The following ZNF804B variants were observed in gnomAD, a reference collection of about 807,000 sequenced individuals.
ZNF804B encodes the protein zinc finger 804B.
A neutral mutation model predicts 101.4 loss-of-function variants in ZNF804B; 80 were observed. The ratio of observed to expected loss-of-function variants is 0.79; its 90% CI spans 0.66 to 0.95. The LOEUF (loss-of-function observed/expected upper bound fraction) is 0.95. Ranked by LOEUF, ZNF804B falls within the 40% of genes least tolerant of loss-of-function variation. The pLI, the probability that ZNF804B is intolerant of heterozygous loss-of-function variation, is 0.00. For missense variants in ZNF804B, 1,673 were observed against 1,561.9 expected, an observed-to-expected ratio of 1.07 and a Z score of -1.20; for synonymous variants, 622 against 558.8, an observed-to-expected ratio of 1.11 and a Z score of -1.59.
intron 1 of ZNF804B, among the ~76,000 whole-genome samples, chr7:88,949,168 A>T (rs1793181642): frequency 6.6e-6 from 1 of 151,808 alleles, no homozygotes; most frequent in South Asian, 2.1e-4. Flanking sequence ...CGTGTAAGTC[A>T]TCCAATCTTG....
intron 1 of ZNF804B, among the ~76,000 whole-genome samples, chr7:89,077,814 A>T (rs1393318063): frequency 1.3e-5 from 2 of 152,162 alleles, no homozygotes; most frequent in Non-Finnish European, 2.9e-5. Context: ...AATTAAAACT[A>T]CTTAACTGTA....
intron 1 of ZNF804B, among the ~76,000 whole-genome samples, chr7:88,879,994 G>T (rs1346622380): frequency 2.0e-5 from 3 of 151,818 alleles, no homozygotes. Context: ...AGCCAAGATC[G>T]TGCCACTGCA....
chr7:89,159,065 G>A (rs1791019099), intron 1 of ZNF804B, among the ~76,000 whole-genome samples: 1 of 152,062 alleles, frequency 6.6e-6, no homozygotes, highest in Admixed American at 6.6e-5. Flanking sequence ...TGAAGATGAG[G>A]TCCTACAGGC....
At chr7:89,285,660 A>C (rs1376383431) in intron 2 of ZNF804B, among the ~76,000 whole-genome samples, 1 of 152,032 alleles carries the variant, frequency 6.6e-6, no homozygotes, top group Non-Finnish European at 1.5e-5. Flanking sequence ...TTAGAAAAAA[A>C]AAGCCACAAA....
At chr7:89,304,152 C>T (rs1355896075) in intron 2 of ZNF804B, among the ~76,000 whole-genome samples, 1 of 151,882 alleles carries the variant, frequency 6.6e-6, no homozygotes, top group East Asian at 1.9e-4. Flanking sequence ...TCCTGGGAGT[C>T]ATCCCTTTGA....
At chr7:88,801,382 G>GATA (rs1790580069) in intron 1 of ZNF804B, among the ~76,000 whole-genome samples, 2 of 152,022 alleles carry the variant, frequency 1.3e-5, no homozygotes, top group African/African-American at 4.8e-5. Context: ...TTACTCCGTG[G>GATA]ATAATAGAGA....
Position 88,934,956 on chromosome 7 carries a change from G to A in ZNF804B, c.108+174872G>A, listed in dbSNP as rs538332774. Among the ~76,000 whole-genome samples the A allele has an allele frequency of 1.1e-4, 16 of 151,928 alleles. No individual in the cohort carries two copies. The South Asian group carries it at 3.1e-3, about 30-fold the overall frequency. On this transcript the variant is annotated intron_variant, in intron 1 of 3. Transcript: ENST00000333190. ...GTTTATAGCAGCACAATTCATAATT[G>A]CAAAGACATGGAACCAAGCTAAGTA...
At chr7:89,255,974 C>T (rs1291351954) in intron 2 of ZNF804B, among the ~76,000 whole-genome samples, 2 of 151,854 alleles carry the variant, frequency 1.3e-5, no homozygotes, top group Non-Finnish European at 2.9e-5. Flanking sequence ...CAAATTAAAA[C>T]CAAAACCCAA....
At chr7:89,260,576 C>T (rs1789698544) in intron 2 of ZNF804B, among the ~76,000 whole-genome samples, 1 of 152,128 alleles carries the variant, frequency 6.6e-6, no homozygotes, top group African/African-American at 2.4e-5. Flanking sequence ...TAAGTTTTCA[C>T]ATAATGACTT....
intron 1 of ZNF804B, among the ~76,000 whole-genome samples, chr7:88,872,738 C>A (rs570033559): frequency 1.2e-4 from 18 of 149,494 alleles, no homozygotes; most frequent in African/African-American, 4.2e-4. Flanking sequence ...TTTGTTCTTG[C>A]GATAGTTTAC....
At chr7:88,891,794 G>T (rs1409262272) in intron 1 of ZNF804B, among the ~76,000 whole-genome samples, 1 of 151,608 alleles carries the variant, frequency 6.6e-6, no homozygotes, top group Non-Finnish European at 1.5e-5. Context: ...CAACGTGCAG[G>T]TTTGTTACAT....
At position 89,334,283 on chromosome 7, in the gene ZNF804B, A is replaced by G. The variant is rs900944583; in HGVS notation, c.1301A>G (p.His434Arg). The change falls in exon 4 of 4, where the codon CAT becomes CGT. Residue 434 changes from histidine to arginine, a missense_variant. Physicochemically the swap from His to Arg is conservative, Grantham distance 29. Coordinates refer to ENST00000333190, the MANE Select transcript of ZNF804B (RefSeq NM_181646.5). ...VQRLVKEACT[H>R]NVASKPLPFL... ...AGACTTGTAAAAGAAGCATGTACCC[A>G]TAATGTGGCATCTAAACCACTACCT... 10 of 1,613,726 alleles carry G rather than the reference A, an allele frequency of 6.2e-6. No individual in the cohort carries two copies. The highest frequency in any genetic ancestry group is 2.2e-5 in the South Asian group (2 of 91,086).
intron 1 of ZNF804B, among the ~76,000 whole-genome samples, chr7:89,040,236 C>A (rs1024383798): frequency 6.6e-6 from 1 of 151,778 alleles, no homozygotes; most frequent in Non-Finnish European, 1.5e-5. Flanking sequence ...ATCCCATTGA[C>A]TTTCTTTACT....
intron 1 of ZNF804B, among the ~76,000 whole-genome samples, chr7:89,064,307 T>C (rs1392047617): frequency 6.6e-6 from 1 of 152,118 alleles, no homozygotes; most frequent in African/African-American, 2.4e-5. Context: ...TAAGGGCAAA[T>C]AGCTGACTAT....
At chr7:89,107,142 ATAAG>A (rs1790147583) in intron 1 of ZNF804B, among the ~76,000 whole-genome samples, 1 of 152,180 alleles carries the variant, frequency 6.6e-6, no homozygotes, top group African/African-American at 2.4e-5. Context: ...ATATTAGTTA[ATAAG>A]TAAACCACTT....
intron 2 of ZNF804B, among the ~76,000 whole-genome samples, chr7:89,241,893 C>A (rs1406985785): frequency 7.5e-6 from 1 of 133,626 alleles, no homozygotes; most frequent in African/African-American, 2.7e-5. Context: ...CTACCTTTTT[C>A]TTTTTTTTTT....
chr7:88,900,203 A>C (rs1333770478), intron 1 of ZNF804B, among the ~76,000 whole-genome samples: 1 of 152,078 alleles, frequency 6.6e-6, no homozygotes, highest in Non-Finnish European at 1.5e-5. Context: ...CAGCAATAAG[A>C]TTGTGAATGA....
At chr7:89,181,344 C>T (rs1029935361) in intron 1 of ZNF804B, among the ~76,000 whole-genome samples, 12 of 152,126 alleles carry the variant, frequency 7.9e-5, no homozygotes, top group South Asian at 6.2e-4. Flanking sequence ...CCCATGTTGA[C>T]GGGGCTAGCC....
intron 2 of ZNF804B, among the ~76,000 whole-genome samples, chr7:89,278,866 A>G (rs1242241864): frequency 2.6e-5 from 4 of 152,038 alleles, no homozygotes; most frequent in African/African-American, 9.7e-5. Flanking sequence ...ACTTTAAAGT[A>G]GTATTTTCCA....
Sources: gnomAD v4.1 joint callset for allele counts (sites outside exome capture counted in the v4.1 genomes callset) on GRCh38, gnomAD v4.1.1 for gene constraint, MANE v1.5 for transcripts, NCBI Gene and HGNC (gene_info 2026-07-23, HGNC 2026-07-21) for gene names.